Variants in IQCM observed in about 807,000 individuals in gnomAD.
IQCM encodes the protein IQ motif containing M.
Under a neutral mutation model 57.6 loss-of-function variants are expected in IQCM, and 45 were observed. That is an observed-to-expected ratio of 0.78 (90% CI 0.62 to 1.00). The LOEUF (loss-of-function observed/expected upper bound fraction) is 1.00. IQCM is among the 50% of genes least tolerant of loss of function. IQCM has a pLI of 0.00. For missense variants in IQCM, 468 were observed against 511.6 expected (o/e 0.91, Z 0.82); for synonymous variants, 148 against 158.9 (o/e 0.93, Z 0.51).
At chr4:149,678,664 A>C (rs1227672613) in intron 7 of IQCM, among the ~76,000 whole-genome samples, 3 of 151,670 alleles carry the variant, frequency 2.0e-5, no homozygotes, top group African/African-American at 4.8e-5. Flanking sequence ...TATGCAATCC[A>C]CTAATAAATA....
chr4:149,365,339 T>C lies in IQCM; in HGVS notation c.1391-13273A>G, dbSNP rs187259817. On this transcript the variant is annotated intron_variant, in intron 13 of 13. Transcript: ENST00000636793. ...CAACAACAATAACAAAATAATACAG[T>C]ATTAGATTAGAATTCAAACTATAAA... 4.4e-4 allele frequency among the ~76,000 whole-genome samples: 67 copies of C among 152,268 alleles called. No individual in the cohort carries two copies. In the East Asian group the frequency reaches 0.01, roughly 24 times the overall value.
chr4:149,465,093 G>A (rs1459369639), intron 12 of IQCM, among the ~76,000 whole-genome samples: 3 of 152,052 alleles, frequency 2.0e-5, no homozygotes, highest in African/African-American at 7.2e-5. Flanking sequence ...TTAACAACAG[G>A]ATTGATAACA....
intron 12 of IQCM, among the ~76,000 whole-genome samples, chr4:149,522,975 C>A (rs998110192): frequency 1.3e-5 from 2 of 152,082 alleles, no homozygotes; most frequent in East Asian, 1.9e-4. Flanking sequence ...AACAAAAATA[C>A]CACAGACTGA....
At chr4:149,684,867 A>G (rs1399280906) in intron 6 of IQCM, among the ~76,000 whole-genome samples, 2 of 151,432 alleles carry the variant, frequency 1.3e-5, no homozygotes, top group Non-Finnish European at 3.0e-5. Context: ...CTATAAATAA[A>G]GACAAGGCAG....
chr4:149,772,654 T>A (rs1337953816), intron 2 of IQCM, among the ~76,000 whole-genome samples: 2 of 152,202 alleles, frequency 1.3e-5, no homozygotes, highest in African/African-American at 4.8e-5. Flanking sequence ...AAATGAGGCA[T>A]AAAGCAAGAA....
At chr4:149,507,063 T>C (rs770209353) in intron 12 of IQCM, among the ~76,000 whole-genome samples, 1 of 152,126 alleles carries the variant, frequency 6.6e-6, no homozygotes, top group Non-Finnish European at 1.5e-5. Context: ...AATGGGAGTT[T>C]TCTTGCGCAA....
At chr4:149,353,934 C>A (rs780580923) in intron 13 of IQCM, among the ~76,000 whole-genome samples, 3 of 152,012 alleles carry the variant, frequency 2.0e-5, no homozygotes, top group Non-Finnish European at 4.4e-5. Context: ...TTGCTCTTGT[C>A]GCAAAAACAA....
At chr4:149,515,270 C>T (rs1288080050) in intron 12 of IQCM, among the ~76,000 whole-genome samples, 1 of 152,086 alleles carries the variant, frequency 6.6e-6, no homozygotes, top group Non-Finnish European at 1.5e-5. Context: ...CATCAAGTCA[C>T]CATGCGACCT....
chr4:149,761,018 TA>T (rs1769455235), intron 2 of IQCM, among the ~76,000 whole-genome samples: 1 of 152,076 alleles, frequency 6.6e-6, no homozygotes, highest in South Asian at 2.1e-4. Context: ...GAGAATTTTG[TA>T]AAACAAACTT....
At chr4:149,774,869 T>C (rs1008008930) in intron 2 of IQCM, among the ~76,000 whole-genome samples, 2 of 151,842 alleles carry the variant, frequency 1.3e-5, no homozygotes, top group African/African-American at 2.4e-5. Flanking sequence ...TAGAAAAATA[T>C]GTTTTAATTT....
At chr4:149,512,123 T>C (rs1355709719) in intron 12 of IQCM, among the ~76,000 whole-genome samples, 1 of 152,186 alleles carries the variant, frequency 6.6e-6, no homozygotes. Flanking sequence ...GGCCACCTTG[T>C]GGCTGTCAAC....
intron 5 of IQCM, among the ~76,000 whole-genome samples, chr4:149,704,839 T>C (rs902216876): frequency 7.9e-5 from 12 of 151,894 alleles, no homozygotes; most frequent in Admixed American, 7.9e-4. Context: ...TGAACATGGA[T>C]AGGCAACTTC....
At chr4:149,355,871 G>A (rs975969558) in intron 13 of IQCM, among the ~76,000 whole-genome samples, 8 of 151,998 alleles carry the variant, frequency 5.3e-5, no homozygotes, top group East Asian at 1.9e-4. Context: ...CAGTGTAAAA[G>A]TGTTCTTATT....
At chr4:149,701,868 C>T (rs574783296) in intron 5 of IQCM, among the ~76,000 whole-genome samples, 94 of 152,038 alleles carry the variant, frequency 6.2e-4, no homozygotes, top group Non-Finnish European at 9.7e-4. Context: ...ATTTTTCTCA[C>T]CATACAGTTC....
chr4:149,512,303 G>A (rs1430866960), intron 12 of IQCM, among the ~76,000 whole-genome samples: 3 of 152,164 alleles, frequency 2.0e-5, no homozygotes, highest in African/African-American at 7.2e-5. Context: ...ATCAAAGAAA[G>A]TGGAGAAAAT....
chr4:149,381,844 G>A (rs1435452849), intron 13 of IQCM, among the ~76,000 whole-genome samples: 1 of 152,002 alleles, frequency 6.6e-6, no homozygotes, highest in Non-Finnish European at 1.5e-5. Context: ...GCACAGTCTT[G>A]GTTCACTGCA....
At chr4:149,685,036 C>T (rs1242476994) in intron 6 of IQCM, among the ~76,000 whole-genome samples, 2 of 151,412 alleles carry the variant, frequency 1.3e-5, no homozygotes, top group East Asian at 3.9e-4. Context: ...TTATCTTCTA[C>T]CAGTTGCAGA....
chr4:149,528,152 A>AT (rs1244766998), intron 12 of IQCM, among the ~76,000 whole-genome samples: 1 of 151,780 alleles, frequency 6.6e-6, no homozygotes, highest in Admixed American at 6.6e-5. Context: ...CACCTGGCTA[A>AT]TTTTTGTATT....
At chr4:149,592,507 G>T (rs1284088411) in intron 8 of IQCM, among the ~76,000 whole-genome samples, 2 of 151,820 alleles carry the variant, frequency 1.3e-5, no homozygotes, top group East Asian at 3.9e-4. Flanking sequence ...ATTGCTTTTG[G>T]TGTTTTAGAC....
Sources: allele counts gnomAD v4.1 joint callset (sites outside exome capture counted in the v4.1 genomes callset), GRCh38; gene constraint gnomAD v4.1.1; transcripts MANE v1.5; gene names NCBI Gene and HGNC (gene_info 2026-07-23, HGNC 2026-07-21).